PPARGC1A: variants seen among roughly 807,000 people sequenced by gnomAD.
The protein encoded by PPARGC1A is peroxisome proliferator-activated receptor gamma coactivator 1-alpha.
Under a neutral mutation model 88.7 loss-of-function variants are expected in PPARGC1A, and 25 were observed. The observed-to-expected ratio is 0.28, with a 90% confidence interval of 0.21 to 0.39. The LOEUF is 0.39. Ranked by LOEUF, PPARGC1A falls within the 10% of genes least tolerant of loss-of-function variation. PPARGC1A has a pLI of 1.00. For missense variants in PPARGC1A, 880 were observed against 968.7 expected, an observed-to-expected ratio of 0.91 and a Z score of 1.22; for synonymous variants, 363 against 355.6, an observed-to-expected ratio of 1.02 and a Z score of -0.24.
intron 2 of PPARGC1A, among the ~76,000 whole-genome samples, chr4:23,873,576 T>C (rs1714036039): frequency 6.6e-6 from 1 of 151,812 alleles, no homozygotes; most frequent in African/African-American, 2.4e-5. Context: ...CTTTATCTTT[T>C]TAGTAAGGTG....
chr4:24,217,481 A>G, the PPARGC1A span, among the ~76,000 whole-genome samples: 3 of 152,232 alleles, frequency 2.0e-5, no homozygotes, highest in East Asian at 3.9e-4. Flanking sequence ...GATGGTGACC[A>G]TGGGGACAAG....
chr4:24,097,221 A>C, the PPARGC1A span, among the ~76,000 whole-genome samples: 1 of 152,176 alleles, frequency 6.6e-6, no homozygotes, highest in Admixed American at 6.5e-5. Flanking sequence ...ATGGTACTTT[A>C]CCCTGCTCTG....
intron 2 of PPARGC1A, among the ~76,000 whole-genome samples, chr4:23,832,099 C>T (rs892596308): frequency 1.3e-5 from 2 of 152,110 alleles, no homozygotes; most frequent in Non-Finnish European, 2.9e-5. Context: ...TTTAGAGAAT[C>T]TTGGACCTTG....
chr4:24,360,703 T>C, the PPARGC1A span, among the ~76,000 whole-genome samples: 1 of 152,202 alleles, frequency 6.6e-6, no homozygotes, highest in East Asian at 1.9e-4. Context: ...AGTGCCTGAT[T>C]CTGCCTGAGA....
At chr4:24,446,143 T>C in the PPARGC1A span, among the ~76,000 whole-genome samples, 1 of 152,338 alleles carries the variant, frequency 6.6e-6, no homozygotes, top group East Asian at 1.9e-4. Context: ...GGCAGCTTTC[T>C]CTCAACAGGA....
chr4:24,005,381 T>C, the PPARGC1A span, among the ~76,000 whole-genome samples: 1 of 152,300 alleles, frequency 6.6e-6, no homozygotes, highest in South Asian at 2.1e-4. Context: ...AGCATGGTAG[T>C]CTGGAGAGTT....
chr4:24,378,104 A>G, the PPARGC1A span, among the ~76,000 whole-genome samples: 1 of 152,192 alleles, frequency 6.6e-6, no homozygotes, highest in Non-Finnish European at 1.5e-5. Flanking sequence ...TGGGAGGCTG[A>G]GGTGGGTAGA....
At chr4:24,137,940 C>T in the PPARGC1A span, among the ~76,000 whole-genome samples, 4 of 152,142 alleles carry the variant, frequency 2.6e-5, no homozygotes, top group Non-Finnish European at 5.9e-5. Context: ...TTATCAAGCA[C>T]CACCCTCATC....
the PPARGC1A span, among the ~76,000 whole-genome samples, chr4:24,137,295 C>T: frequency 6.6e-6 from 1 of 151,798 alleles, no homozygotes; most frequent in Admixed American, 6.6e-5. Flanking sequence ...CAGAGGAAAA[C>T]AACCCTGCCA....
the PPARGC1A span, among the ~76,000 whole-genome samples, chr4:24,200,320 C>T: frequency 0.058 from 8,829 of 151,762 alleles, 323 homozygotes; most frequent in South Asian, 0.11. Context: ...AGACCATCCT[C>T]GCCAACATGG....
chr4:23,877,335 G>A (rs1283894686), intron 2 of PPARGC1A, among the ~76,000 whole-genome samples: 1 of 143,252 alleles, frequency 7.0e-6, no homozygotes, highest in Non-Finnish European at 1.5e-5. Flanking sequence ...GCTAACACGG[G>A]GAAACCCCGT....
At chr4:24,241,487 GCA>G in the PPARGC1A span, among the ~76,000 whole-genome samples, 46 of 152,274 alleles carry the variant, frequency 3.0e-4, no homozygotes, top group East Asian at 8.9e-3. Flanking sequence ...ATATTATTTT[GCA>G]TCCTTATTGG....
chr4:23,796,837 G>A (rs968817487), intron 12 of PPARGC1A, among the ~76,000 whole-genome samples: 4 of 151,876 alleles, frequency 2.6e-5, no homozygotes, highest in African/African-American at 9.7e-5. Flanking sequence ...AACCATTCTG[G>A]AAAACTAACA....
the PPARGC1A span, among the ~76,000 whole-genome samples, chr4:24,070,682 T>C: frequency 1.3e-5 from 2 of 152,184 alleles, no homozygotes; most frequent in Non-Finnish European, 2.9e-5. Flanking sequence ...GTCAGCAAAC[T>C]ACGGTCCATG....
At chr4:24,007,087 A>C in the PPARGC1A span, among the ~76,000 whole-genome samples, 1 of 152,072 alleles carries the variant, frequency 6.6e-6, no homozygotes, top group Non-Finnish European at 1.5e-5. Flanking sequence ...TTCCTTAGTG[A>C]TATATAAAGT....
the PPARGC1A span, among the ~76,000 whole-genome samples, chr4:24,276,418 T>C: frequency 6.6e-6 from 1 of 152,146 alleles, no homozygotes; most frequent in Non-Finnish European, 1.5e-5. Flanking sequence ...CAAGTATCTG[T>C]CTCTACACAA....
At chr4:23,867,942 G>A (rs1302131068) in intron 2 of PPARGC1A, among the ~76,000 whole-genome samples, 1 of 152,180 alleles carries the variant, frequency 6.6e-6, no homozygotes, top group African/African-American at 2.4e-5. Context: ...CCATTGAGAG[G>A]GTCAAAACCA....
the PPARGC1A span, among the ~76,000 whole-genome samples, chr4:24,416,465 G>A: frequency 6.6e-6 from 1 of 152,164 alleles, no homozygotes; most frequent in Non-Finnish European, 1.5e-5. Flanking sequence ...CAGAATTAGG[G>A]CATAGGCAGT....
At chr4:23,827,507 T>C (rs1325399785) in intron 5 of PPARGC1A, among the ~76,000 whole-genome samples, 2 of 152,144 alleles carry the variant, frequency 1.3e-5, no homozygotes, top group African/African-American at 2.4e-5. Context: ...AAGTAGAAGC[T>C]GGCATGTTTT....
Sources: allele counts gnomAD v4.1 joint callset (sites outside exome capture counted in the v4.1 genomes callset), GRCh38; gene constraint gnomAD v4.1.1; transcripts MANE v1.5; gene names NCBI Gene and HGNC (gene_info 2026-07-23, HGNC 2026-07-21).